The following HIVEP3 variants were observed in gnomAD, a reference collection of about 807,000 sequenced individuals.
HIVEP3 encodes transcription factor HIVEP3.
In HIVEP3, 49 loss-of-function variants were observed where a neutral mutation model predicts 152.8. The observed-to-expected ratio is 0.32, with a 90% confidence interval of 0.26 to 0.41. The LOEUF (loss-of-function observed/expected upper bound fraction) is 0.41, where lower values mean the gene tolerates loss of function less well. Ranked by LOEUF, HIVEP3 falls within the 10% of genes least tolerant of loss-of-function variation. The pLI, the probability that HIVEP3 is intolerant of heterozygous loss-of-function variation, is 1.00. For synonymous variants in HIVEP3, 1,269 were observed against 1,289.0 expected, an observed-to-expected ratio of 0.98 and a Z score of 0.33; for missense variants, 2,790 against 3,103.3, an observed-to-expected ratio of 0.90 and a Z score of 2.40.
chr1:41,809,106 T>C (rs608580), intron 1 of HIVEP3, among the ~76,000 whole-genome samples: 53,905 of 152,030 alleles, frequency 0.35, 11,182 homozygotes, highest in East Asian at 0.8. Context: ...GGTCTCAAGC[T>C]AAGTAACACA....
At chr1:41,529,784 ACACT>A (rs1054015450) in intron 5 of HIVEP3, among the ~76,000 whole-genome samples, 13 of 134,792 alleles carry the variant, frequency 9.6e-5, no homozygotes, top group African/African-American at 3.7e-4. Context: ...ACATCCCCAC[ACACT>A]CATACATACA....
intron 1 of HIVEP3, among the ~76,000 whole-genome samples, chr1:42,014,687 T>C (rs1465019195): frequency 6.6e-6 from 1 of 152,206 alleles, no homozygotes; most frequent in African/African-American, 2.4e-5. Flanking sequence ...CTGAAGTTAC[T>C]GAGTGATATC....
intron 1 of HIVEP3, among the ~76,000 whole-genome samples, chr1:41,945,890 C>T (rs1325483128): frequency 6.6e-6 from 1 of 152,184 alleles, no homozygotes; most frequent in East Asian, 1.9e-4. Context: ...GTTTATCACT[C>T]AGTCAGCTGC....
At chr1:41,634,415 A>G (rs1346667396) in intron 2 of HIVEP3, among the ~76,000 whole-genome samples, 1 of 152,194 alleles carries the variant, frequency 6.6e-6, no homozygotes, top group African/African-American at 2.4e-5. Flanking sequence ...AGGGGAAGGG[A>G]GAAACAAAGA....
rs200885313 is a variant in HIVEP3, at chr1:41,876,799, G to A, written c.-801+41614C>T. The stretch of plus-strand genomic sequence containing the variant: ...ACCCTGATAAAATGTATCCATTTAG[G>A]ATAGAAATGTTTCTACAATATGTTA... On this transcript the variant is annotated intron_variant, in intron 1 of 8. Coordinates refer to ENST00000372583, the MANE Select transcript of HIVEP3 (RefSeq NM_024503.5). Among the ~76,000 whole-genome samples the A allele has an allele frequency of 2.0e-5, 3 of 152,274 alleles. No homozygotes were observed. The East Asian group carries it at 5.8e-4, about 29-fold the overall frequency.
intron 1 of HIVEP3, among the ~76,000 whole-genome samples, chr1:41,946,544 T>A (rs1645076139): frequency 6.6e-6 from 1 of 152,194 alleles, no homozygotes; most frequent in Non-Finnish European, 1.5e-5. Flanking sequence ...TCTTTTCACA[T>A]GCTTTTCTAA....
intron 2 of HIVEP3, among the ~76,000 whole-genome samples, chr1:41,653,678 G>A (rs535089662): frequency 3.9e-4 from 60 of 152,126 alleles, no homozygotes; most frequent in African/African-American, 1.4e-3. Context: ...TAGATTTCAG[G>A]GCGACACCAA....
intron 1 of HIVEP3, among the ~76,000 whole-genome samples, chr1:42,029,938 G>A (rs1004109269): frequency 2.6e-5 from 4 of 152,206 alleles, no homozygotes; most frequent in Non-Finnish European, 5.9e-5. Context: ...CAGCTACAAC[G>A]CTGTTTCCAC....
intron 1 of HIVEP3, among the ~76,000 whole-genome samples, chr1:41,895,164 C>T (rs1428800041): frequency 6.6e-6 from 1 of 152,214 alleles, no homozygotes; most frequent in Non-Finnish European, 1.5e-5. Flanking sequence ...CTGAGAGGTG[C>T]AGCTGCTGAA....
chr1:41,793,809 T>A (rs1332133048), intron 1 of HIVEP3, among the ~76,000 whole-genome samples: 1 of 152,186 alleles, frequency 6.6e-6, no homozygotes, highest in Admixed American at 6.5e-5. Flanking sequence ...GTAGAAAATT[T>A]GAAAAACGTA....
chr1:41,545,015 CACT>C (rs1437315358), intron 5 of HIVEP3, among the ~76,000 whole-genome samples: 4 of 108,300 alleles, frequency 3.7e-5, no homozygotes, highest in Non-Finnish European at 4.1e-5. Flanking sequence ...CCACCACCAC[CACT>C]ACCACCACCA....
Position 41,581,155 on chromosome 1 carries a change from T to C in HIVEP3, c.3643A>G (p.Ile1215Val). ...LPQLMPHPAN[I>V]PFRQPPSFLP... ...AAGGAAGGGGGCTGCCTGAAGGGGATGTTGGCTGGGTGAGGCATGAGCTGG... is the reference window on the plus strand; with the variant it reads ...AAGGAAGGGGGCTGCCTGAAGGGGACGTTGGCTGGGTGAGGCATGAGCTGG... The change falls in exon 4 of 9, where the codon ATC (isoleucine) becomes GTC (valine). Residue 1215 changes from isoleucine to valine, a missense_variant. Coordinates refer to ENST00000372583, the MANE Select transcript of HIVEP3 (RefSeq NM_024503.5). The surrounding 1 kb of genome is among the most constrained non-coding windows in gnomAD (Gnocchi z 4.5). The C allele has an allele frequency of 6.5e-7, 1 of 1,547,800 alleles. No homozygotes were observed. Among genetic ancestry groups the C allele is most frequent in the Non-Finnish European group, 8.7e-7 (1 of 1,146,486 alleles).
At chr1:41,870,987 C>T (rs1206373612) in intron 1 of HIVEP3, among the ~76,000 whole-genome samples, 1 of 152,234 alleles carries the variant, frequency 6.6e-6, no homozygotes, top group Non-Finnish European at 1.5e-5. Flanking sequence ...GACACGTGAA[C>T]TGCTTAGAAC....
intron 2 of HIVEP3, among the ~76,000 whole-genome samples, chr1:41,648,497 G>C (rs541013858): frequency 6.6e-6 from 1 of 152,314 alleles, no homozygotes; most frequent in Non-Finnish European, 1.5e-5. Flanking sequence ...CACTAGGGGG[G>C]CCAGGGGAGG....
At chr1:41,553,406 A>T (rs1643918251) in intron 5 of HIVEP3, among the ~76,000 whole-genome samples, 1 of 152,030 alleles carries the variant, frequency 6.6e-6, no homozygotes, top group African/African-American at 2.4e-5. Flanking sequence ...TGCACATGAG[A>T]TTGGTCTCCT....
At chr1:42,021,276 T>C (rs1051807018) in intron 1 of HIVEP3, among the ~76,000 whole-genome samples, 1 of 151,850 alleles carries the variant, frequency 6.6e-6, no homozygotes, top group African/African-American at 2.4e-5. Context: ...TTACCTCCTA[T>C]AAGGAGATAA....
intron 2 of HIVEP3, among the ~76,000 whole-genome samples, chr1:41,669,983 C>T (rs1223638107): frequency 2.0e-5 from 3 of 152,140 alleles, no homozygotes; most frequent in South Asian, 2.1e-4. Context: ...CTCACATCTC[C>T]AACAACTCTG....
chr1:41,510,736 G>A lies in HIVEP3; in HGVS notation c.6936C>T (p.Pro2312=), dbSNP rs745737555. 97 of 1,559,748 alleles carry A rather than the reference G, an allele frequency of 6.2e-5. No individual in the cohort carries two copies. Among genetic ancestry groups the A allele is most frequent in the Middle Eastern group, 3.5e-4 (2 of 5,736 alleles). ...PTPTHSPCTP[P]DTLPRPPQGR... ...CCTGGGGCGGCCGGGGCAAGGTGTC[G>A]GGTGGGGTGCAGGGGCTGTGCGTGG... Residue 2312 remains proline (P), a synonymous_variant, in exon 9 of 9, where the codon CCC becomes CCT. Transcript: ENST00000372583.
At chr1:41,634,252 G>C (rs778085217) in intron 2 of HIVEP3, among the ~76,000 whole-genome samples, 2 of 151,500 alleles carry the variant, frequency 1.3e-5, no homozygotes, top group African/African-American at 4.8e-5. Flanking sequence ...AAAAGGTGAA[G>C]TGAAGTCTAA....
Sources: gnomAD v4.1 joint callset for allele counts (sites outside exome capture counted in the v4.1 genomes callset) on GRCh38, gnomAD v4.1.1 for gene constraint, Gnocchi (gnomAD v3.1) non-coding constraint, MANE v1.5 for transcripts, NCBI Gene and HGNC (gene_info 2026-07-23, HGNC 2026-07-21) for gene names.